The following GRM8 variants were observed in gnomAD, a reference collection of about 807,000 sequenced individuals.
GRM8 encodes metabotropic glutamate receptor 8.
In GRM8, 47 loss-of-function variants were observed where a neutral mutation model predicts 87.2. The ratio of observed to expected loss-of-function variants is 0.54; its 90% confidence interval spans 0.43 to 0.69. The LOEUF is 0.69. Ranked by LOEUF, GRM8 falls within the 30% of genes least tolerant of loss-of-function variation. GRM8 has a pLI of 0.00. For missense variants in GRM8, 1,019 were observed against 1,139.2 expected, an observed-to-expected ratio of 0.89 and a Z score of 1.52; for synonymous variants, 396 against 404.5, an observed-to-expected ratio of 0.98 and a Z score of 0.25.
intron 3 of GRM8, among the ~76,000 whole-genome samples, chr7:126,930,653 A>T (rs763135502): frequency 6.6e-6 from 1 of 152,206 alleles, no homozygotes; most frequent in African/African-American, 2.4e-5. Flanking sequence ...TTTAGTTTTC[A>T]TGGCCACTTT....
intron 3 of GRM8, among the ~76,000 whole-genome samples, chr7:126,965,045 A>C (rs1031919768): frequency 6.6e-6 from 1 of 152,228 alleles, no homozygotes; most frequent in African/African-American, 2.4e-5. Context: ...ATTCTCAGCA[A>C]ACTAACACAA....
At chr7:127,101,146 G>A (rs994863582) in intron 3 of GRM8, among the ~76,000 whole-genome samples, 3 of 152,058 alleles carry the variant, frequency 2.0e-5, no homozygotes, top group African/African-American at 7.2e-5. Flanking sequence ...CTCAAGCTCT[G>A]TGTCCCGTTA....
chr7:127,242,316 A>G (rs993568398), intron 2 of GRM8, among the ~76,000 whole-genome samples: 2 of 152,224 alleles, frequency 1.3e-5, no homozygotes, highest in Non-Finnish European at 2.9e-5. Flanking sequence ...AAATAGCTCA[A>G]ATACCATAGA....
chr7:127,198,183 A>G (rs182023388), intron 2 of GRM8, among the ~76,000 whole-genome samples: 1 of 152,366 alleles, frequency 6.6e-6, no homozygotes, highest in African/African-American at 2.4e-5. Context: ...TGGGATATCC[A>G]TCACCTCATT....
At chr7:126,575,238 C>T (rs1164179789) in intron 8 of GRM8, among the ~76,000 whole-genome samples, 2 of 150,722 alleles carry the variant, frequency 1.3e-5, no homozygotes, top group South Asian at 2.1e-4. Context: ...CTATTGTGAA[C>T]TGAGCATGCA....
At chr7:126,774,672 T>TA (rs1819226705) in intron 6 of GRM8, among the ~76,000 whole-genome samples, 1 of 152,160 alleles carries the variant, frequency 6.6e-6, no homozygotes, top group African/African-American at 2.4e-5. Flanking sequence ...ATACTTTAGT[T>TA]AAGGTCTTTC....
chr7:126,568,465 AG>A (rs1408704694), intron 8 of GRM8, among the ~76,000 whole-genome samples: 2 of 152,142 alleles, frequency 1.3e-5, no homozygotes, highest in African/African-American at 4.8e-5. Flanking sequence ...CTGGGTTTCT[AG>A]GTTACATTTC....
At chr7:127,001,382 T>A (rs2132033692) in intron 3 of GRM8, among the ~76,000 whole-genome samples, 1 of 151,778 alleles carries the variant, frequency 6.6e-6, no homozygotes, top group Admixed American at 6.6e-5. Flanking sequence ...CATGTGTTTG[T>A]ATACATACAT....
chr7:126,611,830 G>A (rs1182900533), intron 7 of GRM8, among the ~76,000 whole-genome samples: 7 of 152,140 alleles, frequency 4.6e-5, no homozygotes, highest in African/African-American at 1.7e-4. Flanking sequence ...TCCAAGTCAA[G>A]AAAGCCTCTC....
At position 127,188,166 on chromosome 7, in the gene GRM8, A is replaced by G. The variant is rs191526707; in HGVS notation, c.510+54529T>C. On this transcript the variant is annotated intron_variant, in intron 2 of 10. Transcript: ENST00000339582. ...TTTCAGGAGGGCTCATTGTATCCTC[A>G]CAATAAACTTATGACAGAAGCATTA... Among the ~76,000 whole-genome samples, 3 of 152,310 alleles carry G rather than the reference A, an allele frequency of 2.0e-5. No homozygotes were observed. The East Asian group carries it at 5.8e-4, about 29-fold the overall frequency.
chr7:127,092,209 C>T (rs1394547812), intron 3 of GRM8, among the ~76,000 whole-genome samples: 1 of 151,794 alleles, frequency 6.6e-6, no homozygotes, highest in African/African-American at 2.4e-5. Context: ...GATTTTGTGA[C>T]ACTTGACAAT....
rs138626428 is a variant in GRM8, at chr7:126,957,652, C to A, written c.728-52969G>T. Among the ~76,000 whole-genome samples, 213 of 152,326 alleles carry A rather than the reference C, an allele frequency of 1.4e-3. 1 individual carries two copies. Among genetic ancestry groups the A allele is most frequent in the Middle Eastern group, 3.4e-3 (1 of 294 alleles). ...CTGAAAGCAGCACTGACATGCCAGG[C>A]CCCTGCTGCCTCAGCCCCCTCTGGA... is the stretch of plus-strand genomic sequence containing the variant. On this transcript the variant is annotated intron_variant, in intron 3 of 10. Coordinates refer to ENST00000339582, the MANE Select transcript of GRM8 (RefSeq NM_000845.3).
chr7:126,871,026 T>G (rs1010799771), intron 6 of GRM8, among the ~76,000 whole-genome samples: 3 of 152,186 alleles, frequency 2.0e-5, no homozygotes, highest in Admixed American at 2.0e-4. Flanking sequence ...CTAAGGTATG[T>G]TAGAAAATCC....
chr7:127,210,286 A>G (rs2116624950), intron 2 of GRM8, among the ~76,000 whole-genome samples: 1 of 152,340 alleles, frequency 6.6e-6, no homozygotes, highest in Admixed American at 6.5e-5. Context: ...GGTCCACACC[A>G]CACCAGTAAA....
chr7:126,554,771 T>G (rs1792957375), intron 8 of GRM8, among the ~76,000 whole-genome samples: 1 of 152,236 alleles, frequency 6.6e-6, no homozygotes, highest in Non-Finnish European at 1.5e-5. Flanking sequence ...TTTCTGTTTT[T>G]GTTTCCAGTC....
intron 7 of GRM8, among the ~76,000 whole-genome samples, chr7:126,625,050 C>A (rs1800538610): frequency 6.6e-6 from 1 of 152,088 alleles, no homozygotes; most frequent in African/African-American, 2.4e-5. Flanking sequence ...CCCATAACAT[C>A]CAAATATCTA....
At position 126,921,671 on chromosome 7, in the gene GRM8, A is replaced by C. The variant is rs565130044; in HGVS notation, c.728-16988T>G. Among the ~76,000 whole-genome samples the C allele has an allele frequency of 2.6e-5, 4 of 152,316 alleles. No homozygotes were observed. The South Asian group carries it at 8.3e-4, about 32-fold the overall frequency. ...AGAAGAAAATGGAGCAATGCCTTCA[A>C]AATTATAAGAAAAAATGAGTTTTAT... On this transcript the variant is annotated intron_variant, in intron 3 of 10. Coordinates refer to ENST00000339582, the MANE Select transcript of GRM8 (RefSeq NM_000845.3).
At chr7:127,205,163 C>T (rs1036668019) in intron 2 of GRM8, among the ~76,000 whole-genome samples, 3 of 152,154 alleles carry the variant, frequency 2.0e-5, no homozygotes, top group African/African-American at 4.8e-5. Context: ...AGAACAGACG[C>T]GCCACTGCTA....
At chr7:126,924,557 ATTGCCTGCCTTT>A (rs989662731) in intron 3 of GRM8, among the ~76,000 whole-genome samples, 1 of 152,080 alleles carries the variant, frequency 6.6e-6, no homozygotes, top group African/African-American at 2.4e-5. Context: ...CATGGGTGGT[ATTGCCTGCCTTT>A]TTGCTTTTCT....
Sources: allele counts gnomAD v4.1 joint callset (sites outside exome capture counted in the v4.1 genomes callset), GRCh38; gene constraint gnomAD v4.1.1; transcripts MANE v1.5; gene names NCBI Gene and HGNC (gene_info 2026-07-23, HGNC 2026-07-21).